Variants in TMEM131L observed in about 807,000 individuals in gnomAD.
TMEM131L encodes the protein transmembrane 131 like, also known as transmembrane protein 131-like.
Under a neutral mutation model 192.2 loss-of-function variants are expected in TMEM131L, and 54 were observed. The observed-to-expected ratio is 0.28, with a 90% confidence interval of 0.23 to 0.35. The LOEUF (loss-of-function observed/expected upper bound fraction) is 0.35. Among genes scored for constraint, TMEM131L ranks in the 10% least tolerant of loss-of-function variants. The pLI, the probability that TMEM131L is intolerant of heterozygous loss-of-function variation, is 1.00. For missense variants in TMEM131L, 1,888 were observed against 1,972.9 expected, an observed-to-expected ratio of 0.96 and a Z score of 0.82; for synonymous variants, 701 against 704.9, an observed-to-expected ratio of 0.99 and a Z score of 0.09.
intron 7 of TMEM131L, among the ~76,000 whole-genome samples, chr4:153,564,287 C>CAAAAAAAAAAAAAAA (rs1178320668): frequency 1.1e-4 from 2 of 17,652 alleles, no homozygotes; most frequent in African/African-American, 2.8e-4. Context: ...AACTCCGTCT[C>CAAAAAAAAAAAAAAA]AAAAAAAAAA....
In TMEM131L at chr4:153,598,643, A is replaced by C; in HGVS notation, c.2177A>C (p.Glu726Ala). 1 of 1,613,756 alleles carries C rather than the reference A, an allele frequency of 6.2e-7. No homozygotes were observed. Among genetic ancestry groups the C allele is most frequent in the Non-Finnish European group, 8.5e-7 (1 of 1,179,810 alleles). ...MIGVEGFGARELLKVGGRLPG... is the reference protein window; with the variant it reads ...MIGVEGFGARALLKVGGRLPG... ...GGCGTGGAAGGATTTGGAGCAAGAG[A>C]GTTATTAAAAGTGGGTGGAAGACTT... The change falls in exon 21 of 35, where the codon GAG becomes GCG. Residue 726 changes from glutamate to alanine, a missense_variant. By Grantham distance (107) the Glu-to-Ala change is moderately radical. Coordinates refer to ENST00000409959, the MANE Select transcript of TMEM131L (RefSeq NM_001131007.2).
intron 14 of TMEM131L, 21 bp downstream of exon 14, chr4:153,586,400 T>C: frequency 6.5e-7 from 1 of 1,540,846 alleles, no homozygotes; most frequent in Non-Finnish European, 8.7e-7. Context: ...CAATACTATA[T>C]GTGTGTTACA....
intron 3 of TMEM131L, among the ~76,000 whole-genome samples, chr4:153,475,223 G>T (rs540668960): frequency 1.3e-5 from 2 of 152,216 alleles, no homozygotes; most frequent in South Asian, 4.2e-4. Flanking sequence ...AACTTTGGTG[G>T]TTTTCAGATC....
At chr4:153,565,888 G>T (rs1037522441) in intron 7 of TMEM131L, among the ~76,000 whole-genome samples, 26 of 152,252 alleles carry the variant, frequency 1.7e-4, no homozygotes, top group Non-Finnish European at 3.1e-4. Flanking sequence ...GAGAAGGCAA[G>T]AAATTTTATT....
chr4:153,591,289 C>A, intron 17 of TMEM131L, 95 bp downstream of exon 17: 1 of 1,214,398 alleles, frequency 8.2e-7, no homozygotes. Context: ...GCTACCATTT[C>A]AAAGCCAAAA....
Position 153,466,386 on chromosome 4 carries a change from G to C in TMEM131L, c.-12G>C. 2 of 1,303,750 alleles carry C rather than the reference G, an allele frequency of 1.5e-6. No individual in the cohort carries two copies. Among genetic ancestry groups the C allele is most frequent in the South Asian group, 2.1e-5 (1 of 47,074 alleles). 80.8% of individuals were successfully genotyped at this position (1,303,750 alleles called of 1,614,324 possible). A position where few individuals can be genotyped will look rare whatever the true frequency, so the allele number is the denominator to read the frequency against. ...AGCGCGGCGAGCAACGGAGAGGAGC[G>C]CGAGCAGCAGCATGGCGGGGCTCCG... On this transcript the variant is annotated 5_prime_UTR_variant, in exon 1 of 35. Transcript: ENST00000409959.
chr4:153,509,704 G>A (rs1430836924), intron 3 of TMEM131L, among the ~76,000 whole-genome samples: 3 of 152,126 alleles, frequency 2.0e-5, no homozygotes, highest in Non-Finnish European at 2.9e-5. Context: ...GCGACAGAGC[G>A]AGACTCTGTC....
rs1561211433 is a variant in TMEM131L, at chr4:153,581,457, G to A, written c.789G>A (p.Met263Ile). Residue 263 changes from methionine (M) to isoleucine (I), a missense_variant, in exon 9 of 35, where the codon ATG becomes ATA. Physicochemically the swap from Met to Ile is conservative, Grantham distance 10. Transcript: ENST00000409959. ...DDVLRLQMSI[M>I]VTMENFSKEF... is the part of the protein sequence containing the mutation. ...TTTTGCGTCTACAAATGAGCATAAT[G>A]GTAACAATGGAAAACTTTTCAAAAG... The A allele has an allele frequency of 1.3e-6, 2 of 1,592,924 alleles. No individual in the cohort carries two copies. Among genetic ancestry groups the A allele is most frequent in the Non-Finnish European group, 1.7e-6 (2 of 1,167,714 alleles).
chr4:153,541,715 G>T (rs1242969439), intron 3 of TMEM131L, among the ~76,000 whole-genome samples: 1 of 152,156 alleles, frequency 6.6e-6, no homozygotes, highest in Non-Finnish European at 1.5e-5. Context: ...AAAGATGTTG[G>T]GCAGCTGACA....
intron 7 of TMEM131L, among the ~76,000 whole-genome samples, chr4:153,559,463 G>A (rs1270014698): frequency 6.6e-6 from 1 of 152,178 alleles, no homozygotes; most frequent in Non-Finnish European, 1.5e-5. Context: ...TGCCTCATCA[G>A]TGGAGATCTA....
chr4:153,474,931 C>T (rs1382093126), intron 3 of TMEM131L, among the ~76,000 whole-genome samples: 2 of 152,118 alleles, frequency 1.3e-5, no homozygotes, highest in East Asian at 1.9e-4. Flanking sequence ...TAGAGGTACA[C>T]GAAGACACTC....
chr4:153,616,605 C>T (rs145407441), intron 26 of TMEM131L, among the ~76,000 whole-genome samples: 1,666 of 152,150 alleles, frequency 0.011, 22 homozygotes, highest in African/African-American at 0.032. Flanking sequence ...ACTTTTTTCC[C>T]TTAGAAAAGT....
At chr4:153,624,138 TGA>T (rs139391732) in intron 29 of TMEM131L, among the ~76,000 whole-genome samples, 4,000 of 151,436 alleles carry the variant, frequency 0.026, 139 homozygotes, top group Middle Eastern at 0.072. Flanking sequence ...ATTTTTTTTT[TGA>T]GAGAGAGTTG....
chr4:153,631,183 T>C (rs953084907), intron 31 of TMEM131L, among the ~76,000 whole-genome samples: 1 of 152,242 alleles, frequency 6.6e-6, no homozygotes. Flanking sequence ...CAGTAGATGC[T>C]GTCTGATTTC....
chr4:153,513,293 T>C (rs1734487231), intron 3 of TMEM131L, among the ~76,000 whole-genome samples: 1 of 152,244 alleles, frequency 6.6e-6, no homozygotes, highest in Non-Finnish European at 1.5e-5. Context: ...CTTGACTATG[T>C]AAGAAGCTTA....
At chr4:153,511,291 C>CACAGCCATCATA (rs1409614603) in intron 3 of TMEM131L, among the ~76,000 whole-genome samples, 5 of 152,170 alleles carry the variant, frequency 3.3e-5, no homozygotes, top group African/African-American at 1.2e-4. Flanking sequence ...CCGTGGAATA[C>CACAGCCATCATA]TACACAGCCA....
chr4:153,521,423 A>G (rs1735104031), intron 3 of TMEM131L, among the ~76,000 whole-genome samples: 2 of 152,198 alleles, frequency 1.3e-5, no homozygotes, highest in Admixed American at 6.5e-5. Context: ...TGCTATAGGA[A>G]AGGACACGTG....
At position 153,569,728 on chromosome 4, in the gene TMEM131L, C is replaced by T. The variant is rs76021565; in HGVS notation, c.661-11098C>T. Among the ~76,000 whole-genome samples, 702 of 152,282 alleles carry T rather than the reference C, an allele frequency of 4.6e-3. 6 individuals are homozygous for T. The highest frequency in any genetic ancestry group is 0.016 in the African/African-American group (662 of 41,540). ...GTAAAATATGTAATAATAGCCCTTT[C>T]GGATAGGGTTGGTGTAGCAATTGAA... On this transcript the variant is annotated intron_variant, in intron 7 of 34. Coordinates refer to ENST00000409959, the MANE Select transcript of TMEM131L (RefSeq NM_001131007.2).
Position 153,585,526 on chromosome 4 carries a change from G to T in TMEM131L, c.1226G>T (p.Trp409Leu), listed in dbSNP as rs762894247. Residue 409 changes from tryptophan to leucine, a missense_variant, in exon 13 of 35, where the codon TGG becomes TTG. Trp to Leu is a moderately conservative substitution (Grantham distance 61). Transcript: ENST00000409959. ...ACTCATGAGAACACATCAGGACTTT[G>T]GTCAATATGGTACCGCAACCATTTT... ...IETHENTSGL[W>L]SIWYRNHFDR... 1 of 1,613,838 alleles carries T rather than the reference G, an allele frequency of 6.2e-7. No individual in the cohort carries two copies. Among genetic ancestry groups the T allele is most frequent in the Non-Finnish European group, 8.5e-7 (1 of 1,179,866 alleles).
Sources: allele counts gnomAD v4.1 joint callset (sites outside exome capture counted in the v4.1 genomes callset), GRCh38; gene constraint gnomAD v4.1.1; transcripts MANE v1.5; gene names NCBI Gene and HGNC (gene_info 2026-07-23, HGNC 2026-07-21).